ARHGAP31: variants seen among roughly 807,000 people sequenced by gnomAD.
The protein encoded by ARHGAP31 is rho GTPase-activating protein 31.
ARHGAP31 carries 34 observed loss-of-function variants against 113.9 expected under a neutral mutation model. The ratio of observed to expected loss-of-function variants is 0.30; its 90% CI spans 0.23 to 0.40. ARHGAP31 has a LOEUF of 0.40. Among genes scored for constraint, ARHGAP31 ranks in the 10% least tolerant of loss-of-function variants. ARHGAP31 has a pLI of 1.00. For synonymous variants in ARHGAP31, 650 were observed against 684.8 expected (o/e 0.95, Z 0.79); for missense variants, 1,548 against 1,767.1 (o/e 0.88, Z 2.22).
Position 119,300,957 on chromosome 3 carries a change from C to T in ARHGAP31, c.100+5953C>T, listed in dbSNP as rs372263758. 5.9e-5 allele frequency among the ~76,000 whole-genome samples: 9 copies of T among 152,226 alleles called. No homozygotes were observed. In the East Asian group the frequency reaches 7.7e-4, roughly 13 times the overall value. Reference sequence around the variant, plus strand: ...GCTTGTGGAGCAAGAACAGCAACTTCGTGGGCTTAAGTTTAGAGGGGCATC... The same window carrying T: ...GCTTGTGGAGCAAGAACAGCAACTTTGTGGGCTTAAGTTTAGAGGGGCATC... On this transcript the variant is annotated intron_variant, in intron 1 of 11. Coordinates refer to ENST00000264245, the MANE Select transcript of ARHGAP31 (RefSeq NM_020754.4).
At chr3:119,309,653 A>G (rs2079661601) in intron 1 of ARHGAP31, among the ~76,000 whole-genome samples, 1 of 151,948 alleles carries the variant, frequency 6.6e-6, no homozygotes, top group South Asian at 2.1e-4. Flanking sequence ...CCAGTTACTC[A>G]GGAGGCTGAG....
intron 1 of ARHGAP31, among the ~76,000 whole-genome samples, chr3:119,329,306 C>T (rs566904112): frequency 6.6e-6 from 1 of 152,304 alleles, no homozygotes; most frequent in Admixed American, 6.5e-5. Context: ...CATCAAGTTA[C>T]CTAGAATTGC....
intron 3 of ARHGAP31, among the ~76,000 whole-genome samples, chr3:119,371,537 C>T (rs1311321206): frequency 6.6e-6 from 1 of 152,146 alleles, no homozygotes; most frequent in Non-Finnish European, 1.5e-5. Flanking sequence ...TTTCTTTGAT[C>T]ACAGATAATA....
intron 1 of ARHGAP31, among the ~76,000 whole-genome samples, chr3:119,364,636 G>A (rs867378396): frequency 6.6e-6 from 1 of 152,184 alleles, no homozygotes; most frequent in Non-Finnish European, 1.5e-5. Flanking sequence ...TGGGAGTGGG[G>A]CCTGAAGATT....
At chr3:119,303,214 T>C (rs1003495966) in intron 1 of ARHGAP31, among the ~76,000 whole-genome samples, 1 of 152,210 alleles carries the variant, frequency 6.6e-6, no homozygotes, top group East Asian at 1.9e-4. Context: ...TTGACCCTAC[T>C]TCCTTCTTCA....
chr3:119,399,456 G>C (rs1306795554), intron 9 of ARHGAP31, among the ~76,000 whole-genome samples, 195 bp downstream of exon 9: 1 of 152,178 alleles, frequency 6.6e-6, no homozygotes, highest in Non-Finnish European at 1.5e-5. Context: ...TTACTCCAGG[G>C]CTAGGCCTAA....
intron 8 of ARHGAP31, among the ~76,000 whole-genome samples, chr3:119,396,872 C>T (rs550771260): frequency 2.0e-4 from 31 of 152,208 alleles, no homozygotes; most frequent in African/African-American, 7.5e-4. Flanking sequence ...GATGCACAAA[C>T]TTTAGAGCCT....
At chr3:119,376,190 T>G (rs971837267) in intron 3 of ARHGAP31, among the ~76,000 whole-genome samples, 8 of 152,202 alleles carry the variant, frequency 5.3e-5, no homozygotes, top group Non-Finnish European at 8.8e-5. Flanking sequence ...GCAACTATCA[T>G]TTGAAATGTC....
At chr3:119,333,645 T>C (rs138317431) in intron 1 of ARHGAP31, among the ~76,000 whole-genome samples, 39 of 152,302 alleles carry the variant, frequency 2.6e-4, no homozygotes, top group Middle Eastern at 3.4e-3. Flanking sequence ...CCAACACTTA[T>C]TACCTCCATT....
intron 4 of ARHGAP31, 92 bp from the exon 5 acceptor site, chr3:119,382,200 C>T: frequency 2.6e-6 from 3 of 1,160,064 alleles, no homozygotes; most frequent in Non-Finnish European, 3.9e-6. Flanking sequence ...TATTTAGAGT[C>T]TCTTAAATCC....
intron 10 of ARHGAP31, among the ~76,000 whole-genome samples, chr3:119,406,347 T>C (rs535743069): frequency 1.3e-5 from 2 of 152,216 alleles, no homozygotes; most frequent in Non-Finnish European, 2.9e-5. Flanking sequence ...TTAAAAAATA[T>C]ATATTTAAAA....
At position 119,409,748 on chromosome 3, in the gene ARHGAP31, G is replaced by C; in HGVS notation, c.1898G>C (p.Arg633Thr). 1 of 1,606,746 alleles carries C rather than the reference G, an allele frequency of 6.2e-7. No homozygotes were observed. Among genetic ancestry groups the C allele is most frequent in the Non-Finnish European group, 8.5e-7 (1 of 1,177,192 alleles). ...ACCCTGCAGGAGAGCCCCAGGGCCA[G>C]AGCCGAAGCTGTGCTTCTCCATGAG... is the stretch of plus-strand genomic sequence containing the variant. The part of the protein sequence containing the change: ...SSTLQESPRA[R>T]AEAVLLHEMD... Residue 633 changes from arginine (R) to threonine (T), a missense_variant, in exon 11 of 12, where the codon AGA becomes ACA. Transcript: ENST00000264245.
chr3:119,380,762 T>C (rs1033320971), intron 3 of ARHGAP31, 142 bp from the exon 4 acceptor site: 33 of 727,052 alleles, frequency 4.5e-5, no homozygotes, highest in Admixed American at 2.0e-4. Context: ...GTTGTTTTCA[T>C]AGTAAAGCAT....
chr3:119,326,243 T>C (rs1224567376), intron 1 of ARHGAP31, among the ~76,000 whole-genome samples: 1 of 152,194 alleles, frequency 6.6e-6, no homozygotes. Flanking sequence ...TTTTAGAGTG[T>C]GTAGGCACAT....
intron 8 of ARHGAP31, among the ~76,000 whole-genome samples, chr3:119,397,581 A>G (rs1160682332): frequency 6.6e-6 from 1 of 152,214 alleles, no homozygotes; most frequent in Non-Finnish European, 1.5e-5. Flanking sequence ...GTGAAAGGCA[A>G]TCTCTGCCTT....
Position 119,390,818 on chromosome 3 carries a change from C to G in ARHGAP31, c.716C>G (p.Pro239Arg), listed in dbSNP as rs1342313833. Residue 239 changes from proline to arginine, a missense_variant, in exon 7 of 12, where the codon CCA becomes CGA. Pro to Arg is a moderately radical substitution (Grantham distance 103). Coordinates refer to ENST00000264245, the MANE Select transcript of ARHGAP31 (RefSeq NM_020754.4). ...CCCATCATGAAGAGCCTGACCTTGC[C>G]AGCCCTCTCCCTGCCCATGAAGCTG... ...NRPIMKSLTL[P>R]ALSLPMKLVS... 3 of 1,613,100 alleles carry G rather than the reference C, an allele frequency of 1.9e-6. No individual in the cohort carries two copies. The highest frequency in any genetic ancestry group is 2.5e-6 in the Non-Finnish European group (3 of 1,180,024).
intron 1 of ARHGAP31, among the ~76,000 whole-genome samples, chr3:119,318,449 C>T (rs1275616052): frequency 2.0e-5 from 3 of 152,192 alleles, no homozygotes; most frequent in Non-Finnish European, 4.4e-5. Context: ...AAAACATCAT[C>T]TAATAATTTG....
At chr3:119,345,616 C>A (rs920384365) in intron 1 of ARHGAP31, among the ~76,000 whole-genome samples, 1 of 152,166 alleles carries the variant, frequency 6.6e-6, no homozygotes, top group African/African-American at 2.4e-5. Context: ...GAACCTAGCA[C>A]CCAGCACCCA....
intron 6 of ARHGAP31, among the ~76,000 whole-genome samples, chr3:119,387,067 G>T (rs2080457951): frequency 6.6e-6 from 1 of 152,150 alleles, no homozygotes; most frequent in East Asian, 1.9e-4. Flanking sequence ...TCCACAGGAG[G>T]TGGAGGAGCA....
Sources: gnomAD v4.1 joint callset for allele counts (sites outside exome capture counted in the v4.1 genomes callset) on GRCh38, gnomAD v4.1.1 for gene constraint, MANE v1.5 for transcripts, NCBI Gene and HGNC (gene_info 2026-07-23, HGNC 2026-07-21) for gene names.